NXPE2: variants seen among roughly 807,000 people sequenced by gnomAD.
NXPE2 encodes the protein NXPE family member 2.
NXPE2 carries 34 observed loss-of-function variants against 34.4 expected under a neutral mutation model. The observed-to-expected ratio is 0.99, with a 90% CI of 0.75 to 1.31. The LOEUF is 1.31. NXPE2 is among the 40% of genes most tolerant of loss of function. The probability of loss-of-function intolerance (pLI) is 0.00; values close to 1 mark genes in which losing one functional copy is unlikely to be tolerated. For missense variants in NXPE2, 649 were observed against 672.5 expected, an observed-to-expected ratio of 0.97 and a Z score of 0.39; for synonymous variants, 235 against 231.3, an observed-to-expected ratio of 1.02 and a Z score of -0.15.
At chr11:114,510,454 C>G in the NXPE2 span, among the ~76,000 whole-genome samples, 1 of 152,116 alleles carries the variant, frequency 6.6e-6, no homozygotes, top group Admixed American at 6.6e-5. Context: ...AAGCTGGTCT[C>G]AAAGTGATTC....
At chr11:114,678,741 C>G in intron 1 of NXPE2, 140 bp downstream of exon 1, 1 of 629,664 alleles carries the variant, frequency 1.6e-6, no homozygotes, top group Non-Finnish European at 2.8e-6. Context: ...CATAAAAATA[C>G]TTTTAAAATG....
the NXPE2 span, among the ~76,000 whole-genome samples, chr11:114,598,752 G>A: frequency 6.6e-6 from 1 of 152,070 alleles, no homozygotes; most frequent in South Asian, 2.1e-4. Context: ...CCCGGGCCTG[G>A]CTCACAAAAC....
the NXPE2 span, among the ~76,000 whole-genome samples, chr11:114,575,053 A>G: frequency 2.6e-5 from 4 of 152,192 alleles, no homozygotes; most frequent in African/African-American, 9.6e-5. Context: ...TAAGTCAATA[A>G]ATGTGATACA....
chr11:114,719,310 C>A, the NXPE2 span, among the ~76,000 whole-genome samples: 1 of 152,122 alleles, frequency 6.6e-6, no homozygotes, highest in Admixed American at 6.5e-5. Context: ...AAATTAATAA[C>A]CATTCTAGGA....
the NXPE2 span, among the ~76,000 whole-genome samples, chr11:114,555,178 T>C: frequency 1.3e-5 from 2 of 152,146 alleles, no homozygotes; most frequent in East Asian, 3.9e-4. Context: ...ATTGTTTCAG[T>C]TTTGTTTTTA....
At chr11:114,483,825 CT>C in the NXPE2 span, among the ~76,000 whole-genome samples, 2 of 152,168 alleles carry the variant, frequency 1.3e-5, no homozygotes, top group African/African-American at 4.8e-5. Flanking sequence ...CCTGATTGGT[CT>C]CTGGGCAGAG....
At chr11:114,695,774 C>T (rs1250788889) in intron 2 of NXPE2, among the ~76,000 whole-genome samples, 4 of 151,570 alleles carry the variant, frequency 2.6e-5, no homozygotes, top group African/African-American at 7.3e-5. Context: ...AGGCGGATCA[C>T]GAAGTCAGAA....
At chr11:114,674,954 A>G (rs910036829), upstream of NXPE2, among the ~76,000 whole-genome samples, 22 of 151,982 alleles carry the variant, frequency 1.4e-4, no homozygotes, top group African/African-American at 4.6e-4. Flanking sequence ...ATGATTCACC[A>G]TAATCAAGTG....
chr11:114,742,895 G>T, the NXPE2 span, among the ~76,000 whole-genome samples: 1 of 152,058 alleles, frequency 6.6e-6, no homozygotes, highest in Non-Finnish European at 1.5e-5. Flanking sequence ...GGCTTCTTTT[G>T]TTGAGTCAAG....
At chr11:114,688,363 A>T (rs567889469) in intron 2 of NXPE2, among the ~76,000 whole-genome samples, 1 of 151,806 alleles carries the variant, frequency 6.6e-6, no homozygotes, top group Non-Finnish European at 1.5e-5. Flanking sequence ...TTTGTTTTTA[A>T]TTCTGTTTAT....
downstream of NXPE2, among the ~76,000 whole-genome samples, chr11:114,711,791 A>G: frequency 6.6e-6 from 1 of 152,284 alleles, no homozygotes; most frequent in South Asian, 2.1e-4. Context: ...TGAGTAGCCT[A>G]AATAATATTG....
the NXPE2 span, among the ~76,000 whole-genome samples, chr11:114,599,279 C>T: frequency 9.2e-5 from 14 of 152,158 alleles, no homozygotes; most frequent in Non-Finnish European, 2.1e-4. Context: ...GTAAGTTCCT[C>T]ATCTCCTTCT....
the NXPE2 span, among the ~76,000 whole-genome samples, chr11:114,632,193 C>A: frequency 7.2e-6 from 1 of 138,602 alleles, no homozygotes. Context: ...AATAAATGAT[C>A]ATATATACAT....
At chr11:114,631,872 G>A in the NXPE2 span, among the ~76,000 whole-genome samples, 13 of 150,002 alleles carry the variant, frequency 8.7e-5, no homozygotes, top group South Asian at 4.2e-4. Context: ...GTGGGTAACC[G>A]CTGTTACCCA....
At chr11:114,678,981 G>T (rs1245588439) in intron 1 of NXPE2, among the ~76,000 whole-genome samples, 2 of 151,492 alleles carry the variant, frequency 1.3e-5, no homozygotes, top group African/African-American at 2.4e-5. Flanking sequence ...AAAATGTTTG[G>T]TAAAGATTGC....
chr11:114,678,589 T>C lies in NXPE2; in HGVS notation c.14T>C (p.Ile5Thr), dbSNP rs942921466. The stretch of plus-strand genomic sequence containing the variant: ...GAACACGAGAAGATGGTGGAGAAAA[T>C]ACTCATCCATAGGTGTGGTACTTTC... MVEK[I>T]LIHRILTLFP... Residue 5 changes from isoleucine to threonine, a missense_variant, in exon 1 of 6, where the codon ATA becomes ACA. Ile to Thr is a moderately conservative substitution (Grantham distance 89). Coordinates refer to ENST00000389586, the MANE Select transcript of NXPE2 (RefSeq NM_182495.6). 2 of 1,548,876 alleles carry C rather than the reference T, an allele frequency of 1.3e-6. No individual in the cohort carries two copies. Among genetic ancestry groups the C allele is most frequent in the Non-Finnish European group, 1.7e-6 (2 of 1,144,576 alleles).
At chr11:114,699,487 C>G (rs1359006294) in intron 3 of NXPE2, among the ~76,000 whole-genome samples, 1 of 152,132 alleles carries the variant, frequency 6.6e-6, no homozygotes, top group South Asian at 2.1e-4. Flanking sequence ...ACTTTCCTCC[C>G]TTGGCAGCCT....
At chr11:114,493,803 A>G in the NXPE2 span, among the ~76,000 whole-genome samples, 1 of 152,120 alleles carries the variant, frequency 6.6e-6, no homozygotes, top group African/African-American at 2.4e-5. Context: ...TTATTAATGA[A>G]TACCTTCACA....
At chr11:114,546,458 A>T in the NXPE2 span, among the ~76,000 whole-genome samples, 13 of 130,752 alleles carry the variant, frequency 9.9e-5, no homozygotes, top group Admixed American at 6.2e-4. Flanking sequence ...ACATATATAT[A>T]TTTTTTCTTT....
Sources: gnomAD v4.1 joint callset for allele counts (sites outside exome capture counted in the v4.1 genomes callset) on GRCh38, gnomAD v4.1.1 for gene constraint, MANE v1.5 for transcripts, NCBI Gene and HGNC (gene_info 2026-07-23, HGNC 2026-07-21) for gene names.